Variants in GABRG3 observed in about 807,000 individuals in gnomAD.
GABRG3 encodes gamma-aminobutyric acid receptor subunit gamma-3.
A neutral mutation model predicts 48.8 loss-of-function variants in GABRG3; 25 were observed. That is an observed-to-expected ratio of 0.51 (90% CI 0.37 to 0.72). The LOEUF (loss-of-function observed/expected upper bound fraction) is 0.72, where lower values mean the gene tolerates loss of function less well. GABRG3 is among the 30% of genes least tolerant of loss of function. The pLI is 0.00. For synonymous variants in GABRG3, 227 were observed against 217.6 expected (o/e 1.04, Z -0.38); for missense variants, 394 against 577.9 (o/e 0.68, Z 3.26).
chr15:27,408,389 CAGT>C (rs1887700831), intron 5 of GABRG3, among the ~76,000 whole-genome samples: 1 of 152,054 alleles, frequency 6.6e-6, no homozygotes, highest in African/African-American at 2.4e-5. Flanking sequence ...AATGAAAAGC[CAGT>C]GATCGTGCAG....
chr15:27,255,784 A>C (rs530708179), intron 3 of GABRG3, among the ~76,000 whole-genome samples: 22 of 152,296 alleles, frequency 1.4e-4, no homozygotes, highest in African/African-American at 5.3e-4. Context: ...GCTGGTAGCC[A>C]GGTCTGCTGC....
chr15:27,512,902 C>A (rs1020691514), intron 6 of GABRG3, among the ~76,000 whole-genome samples: 1 of 152,094 alleles, frequency 6.6e-6, no homozygotes, highest in African/African-American at 2.4e-5. Flanking sequence ...GCAAATGGGA[C>A]CCATGCAGAG....
chr15:26,992,178 C>G (rs1895261924), intron 2 of GABRG3, among the ~76,000 whole-genome samples: 1 of 152,048 alleles, frequency 6.6e-6, no homozygotes, highest in Admixed American at 6.6e-5. Context: ...ATCTTTACAC[C>G]AGGATAATTT....
intron 5 of GABRG3, among the ~76,000 whole-genome samples, chr15:27,432,329 A>C (rs532826827): frequency 6.6e-6 from 1 of 152,346 alleles, no homozygotes; most frequent in African/African-American, 2.4e-5. Flanking sequence ...AAACACGTTT[A>C]TGTAATTATT....
At chr15:27,135,614 G>A (rs1224007330) in intron 3 of GABRG3, among the ~76,000 whole-genome samples, 1 of 152,118 alleles carries the variant, frequency 6.6e-6, no homozygotes, top group Non-Finnish European at 1.5e-5. Flanking sequence ...AGAGTTAAAG[G>A]AGATAAGGGA....
intron 3 of GABRG3, 21 bp downstream of exon 3, chr15:27,026,842 C>A (rs748678107): frequency 6.4e-7 from 1 of 1,550,790 alleles, no homozygotes; most frequent in Non-Finnish European, 8.8e-7. Context: ...CCTTTATTTT[C>A]TGATCTAACG....
chr15:27,067,993 G>A (rs938503537), intron 3 of GABRG3, among the ~76,000 whole-genome samples: 9 of 152,180 alleles, frequency 5.9e-5, no homozygotes, highest in African/African-American at 2.2e-4. Context: ...TAAGTAGAGT[G>A]CACAGAAGAA....
chr15:27,433,841 T>C (rs1420337737), intron 5 of GABRG3, among the ~76,000 whole-genome samples: 4 of 152,230 alleles, frequency 2.6e-5, no homozygotes, highest in Non-Finnish European at 5.9e-5. Flanking sequence ...AAATCATTTA[T>C]TAGACTCTCA....
At chr15:27,121,582 G>A (rs1293043218) in intron 3 of GABRG3, among the ~76,000 whole-genome samples, 3 of 152,224 alleles carry the variant, frequency 2.0e-5, no homozygotes, top group African/African-American at 7.2e-5. Flanking sequence ...CACCACCACA[G>A]TGATGCTGTG....
At chr15:27,341,354 G>A (rs921707207) in intron 5 of GABRG3, among the ~76,000 whole-genome samples, 2 of 152,064 alleles carry the variant, frequency 1.3e-5, no homozygotes, top group African/African-American at 4.8e-5. Flanking sequence ...TATAGTTTAT[G>A]ATGCATGTAT....
At chr15:27,140,278 C>T (rs1432594659) in intron 3 of GABRG3, among the ~76,000 whole-genome samples, 1 of 152,118 alleles carries the variant, frequency 6.6e-6, no homozygotes, top group Non-Finnish European at 1.5e-5. Context: ...CCCGTGAGGG[C>T]TGACGCTATC....
intron 3 of GABRG3, among the ~76,000 whole-genome samples, chr15:27,136,098 A>G (rs1566944365): frequency 6.6e-6 from 1 of 152,172 alleles, no homozygotes; most frequent in East Asian, 1.9e-4. Context: ...AATGTCCTGA[A>G]GGAAGAGTAG....
At chr15:27,485,061 G>A (rs930907195) in intron 6 of GABRG3, among the ~76,000 whole-genome samples, 17 of 152,152 alleles carry the variant, frequency 1.1e-4, no homozygotes, top group South Asian at 2.1e-4. Flanking sequence ...TCCAAAGAGC[G>A]CAGGAGGAGA....
chr15:27,208,761 A>G (rs968671), intron 3 of GABRG3: 5,205 of 152,408 alleles, frequency 0.034, 168 homozygotes, highest in African/African-American at 0.082. Flanking sequence ...ATCATAGGAG[A>G]TCAATGTTTG....
intron 3 of GABRG3, among the ~76,000 whole-genome samples, chr15:27,303,767 C>T (rs1250733762): frequency 6.7e-6 from 1 of 149,852 alleles, no homozygotes. Flanking sequence ...TATATATATA[C>T]ACACACATCT....
At chr15:27,150,928 C>A (rs1178704679) in intron 3 of GABRG3, among the ~76,000 whole-genome samples, 1 of 152,314 alleles carries the variant, frequency 6.6e-6, no homozygotes, top group Non-Finnish European at 1.5e-5. Context: ...TTTTTACTGG[C>A]TGCTCAGGTA....
chr15:26,980,528 AATT>A (rs1425074440), intron 2 of GABRG3, among the ~76,000 whole-genome samples: 1 of 151,916 alleles, frequency 6.6e-6, no homozygotes, highest in Non-Finnish European at 1.5e-5. Flanking sequence ...AATACAGAAA[AATT>A]AGCCAGGCGT....
chr15:27,015,912 T>C (rs1174597954), intron 2 of GABRG3, among the ~76,000 whole-genome samples: 1 of 152,210 alleles, frequency 6.6e-6, no homozygotes, highest in Non-Finnish European at 1.5e-5. Context: ...CTTCTTTATA[T>C]GTTAAGACTT....
intron 3 of GABRG3, among the ~76,000 whole-genome samples, chr15:27,210,505 C>CATACACAT (rs1889042064): frequency 6.6e-6 from 1 of 152,212 alleles, no homozygotes; most frequent in African/African-American, 2.4e-5. Flanking sequence ...CATGCACACA[C>CATACACAT]GCGTGCTCAC....
Sources: allele counts gnomAD v4.1 joint callset (sites outside exome capture counted in the v4.1 genomes callset), GRCh38; gene constraint gnomAD v4.1.1; transcripts MANE v1.5; gene names NCBI Gene and HGNC (gene_info 2026-07-23, HGNC 2026-07-21).